NKAIN3: variants seen among roughly 807,000 people sequenced by gnomAD.
The protein encoded by NKAIN3 is sodium/potassium-transporting ATPase subunit beta-1-interacting protein 3.
A neutral mutation model predicts 30.2 loss-of-function variants in NKAIN3; 25 were observed. That is an observed-to-expected ratio of 0.83 (90% CI 0.60 to 1.16). The LOEUF (loss-of-function observed/expected upper bound fraction) is 1.16, where lower values mean the gene tolerates loss of function less well. NKAIN3 is among the 50% of genes most tolerant of loss of function. The probability of loss-of-function intolerance (pLI) is 0.00; values close to 1 mark genes in which losing one functional copy is unlikely to be tolerated. For missense variants in NKAIN3, 225 were observed against 254.1 expected (o/e 0.89, Z 0.78); for synonymous variants, 91 against 89.6 (o/e 1.02, Z -0.09).
At chr8:62,651,868 G>A (rs1812630406) in intron 3 of NKAIN3, among the ~76,000 whole-genome samples, 3 of 152,224 alleles carry the variant, frequency 2.0e-5, no homozygotes, top group South Asian at 4.2e-4. Context: ...TATGTGACAT[G>A]CCTGTTCTCA....
At chr8:62,345,357 ATATATG>A (rs1815910513) in intron 1 of NKAIN3, among the ~76,000 whole-genome samples, 2 of 11,876 alleles carry the variant, frequency 1.7e-4, no homozygotes, top group East Asian at 3.7e-3. Flanking sequence ...ACATATACAC[ATATATG>A]TATATATACA....
chr8:62,951,335 TA>T (rs1489981136), intron 5 of NKAIN3, among the ~76,000 whole-genome samples: 1 of 152,232 alleles, frequency 6.6e-6, no homozygotes, highest in East Asian at 1.9e-4. Context: ...CAGTTTATAA[TA>T]CTGGAATTAC....
chr8:62,571,162 G>A (rs1003491002), intron 1 of NKAIN3, among the ~76,000 whole-genome samples: 4 of 143,614 alleles, frequency 2.8e-5, no homozygotes, highest in African/African-American at 1.0e-4. Flanking sequence ...TTTTCAGACA[G>A]TCTCACTCTA....
intron 4 of NKAIN3, among the ~76,000 whole-genome samples, chr8:62,751,154 A>G (rs1473510417): frequency 6.6e-6 from 1 of 152,116 alleles, no homozygotes; most frequent in African/African-American, 2.4e-5. Flanking sequence ...ATCCAGCAAA[A>G]GAACCCTTCC....
At chr8:62,681,862 C>T (rs1044393047) in intron 3 of NKAIN3, among the ~76,000 whole-genome samples, 12 of 152,154 alleles carry the variant, frequency 7.9e-5, no homozygotes, top group African/African-American at 2.2e-4. Flanking sequence ...CTCAAAACTG[C>T]TCTCAGAGGC....
intron 1 of NKAIN3, chr8:62,473,238 G>C (rs866706106): frequency 6.6e-6 from 1 of 152,180 alleles, no homozygotes; most frequent in Non-Finnish European, 1.5e-5. Flanking sequence ...ATTTGTAATT[G>C]TGCACTGAAG....
chr8:62,646,141 A>G (rs1400391683), intron 3 of NKAIN3, among the ~76,000 whole-genome samples: 4 of 148,942 alleles, frequency 2.7e-5, no homozygotes, highest in Non-Finnish European at 5.9e-5. Flanking sequence ...CATTCTGGAA[A>G]AAAAAAAAAA....
chr8:62,921,931 G>A (rs1822291902), intron 5 of NKAIN3, among the ~76,000 whole-genome samples: 1 of 152,144 alleles, frequency 6.6e-6, no homozygotes, highest in Non-Finnish European at 1.5e-5. Flanking sequence ...AATACTGCCA[G>A]GCTTTTTCAG....
intron 4 of NKAIN3, among the ~76,000 whole-genome samples, chr8:62,793,692 C>A (rs943413141): frequency 2.6e-5 from 4 of 152,102 alleles, no homozygotes; most frequent in African/African-American, 9.7e-5. Context: ...AGCAGCTCTG[C>A]TTATTTCTCC....
At chr8:62,337,049 C>T (rs1001969007) in intron 1 of NKAIN3, among the ~76,000 whole-genome samples, 10 of 152,060 alleles carry the variant, frequency 6.6e-5, no homozygotes, top group Non-Finnish European at 1.3e-4. Context: ...CTCTCCCTCC[C>T]TCGGTAGTTG....
At chr8:62,835,200 C>T (rs950894538) in intron 4 of NKAIN3, among the ~76,000 whole-genome samples, 4 of 152,030 alleles carry the variant, frequency 2.6e-5, no homozygotes, top group East Asian at 1.9e-4. Flanking sequence ...ATATGTAAGA[C>T]CTTAACCTAT....
At chr8:62,962,158 G>C (rs1430378089) in intron 6 of NKAIN3, among the ~76,000 whole-genome samples, 3 of 151,996 alleles carry the variant, frequency 2.0e-5, no homozygotes, top group Admixed American at 2.0e-4. Flanking sequence ...TGTATCCACT[G>C]GTTTATGAAA....
In NKAIN3 at chr8:62,970,461, A is replaced by G. The variant is rs1445606606; in HGVS notation, c.*5054A>G. Among the ~76,000 whole-genome samples the G allele has an allele frequency of 1.3e-5, 2 of 151,990 alleles. No individual in the cohort carries two copies. Among genetic ancestry groups the G allele is most frequent in the African/African-American group, 4.8e-5 (2 of 41,398 alleles). The stretch of plus-strand genomic sequence containing the variant: ...AAAATTTGGTGGCAGGCAAAACTTG[A>G]ATCATCTTTCTTGAACTTGCATTCA... On this transcript the variant is annotated 3_prime_UTR_variant, in exon 7 of 7. Transcript: ENST00000623646.
At chr8:62,295,608 G>A (rs142694623) in intron 1 of NKAIN3, among the ~76,000 whole-genome samples, 2,105 of 152,202 alleles carry the variant, frequency 0.014, 52 homozygotes, top group Admixed American at 0.065. Flanking sequence ...CTATTTCACA[G>A]CTTTTTTGGG....
chr8:62,713,197 G>T (rs7008492), intron 3 of NKAIN3, among the ~76,000 whole-genome samples: 3 of 152,052 alleles, frequency 2.0e-5, no homozygotes, highest in African/African-American at 7.2e-5. Context: ...GTGCAGGGCT[G>T]CCACCAGGGT....
At chr8:62,470,883 C>CATTAAAAAAAA (rs1806320396) in intron 1 of NKAIN3, among the ~76,000 whole-genome samples, 1 of 149,292 alleles carries the variant, frequency 6.7e-6, no homozygotes, top group Non-Finnish European at 1.5e-5. Context: ...TCTTATTGAT[C>CATTAAAAAAAA]CATTTTAACT....
In NKAIN3 at chr8:62,473,804, T is replaced by A. The variant is rs550766226; in HGVS notation, c.55-105735T>A. Among the ~76,000 whole-genome samples the A allele has an allele frequency of 5.9e-5, 9 of 152,106 alleles. No individual in the cohort carries two copies. The South Asian group carries it at 1.9e-3, about 32-fold the overall frequency. On this transcript the variant is annotated intron_variant, in intron 1 of 6. Transcript: ENST00000623646. ...CTGAGTCCTTTCCCTACACTACTAA[T>A]GGTCACTCTTTCCCAGGGATACAGT...
intron 4 of NKAIN3, among the ~76,000 whole-genome samples, chr8:62,778,533 C>A (rs1817257055): frequency 6.6e-6 from 1 of 152,082 alleles, no homozygotes; most frequent in South Asian, 2.1e-4. Context: ...TGCCAATGTT[C>A]ACTCAAAACA....
chr8:62,775,093 G>A (rs1420144430), intron 4 of NKAIN3, among the ~76,000 whole-genome samples: 2 of 152,020 alleles, frequency 1.3e-5, no homozygotes, highest in Non-Finnish European at 2.9e-5. Flanking sequence ...TTGTTATTGG[G>A]CTGTTGTGAA....
Sources: allele counts gnomAD v4.1 joint callset (sites outside exome capture counted in the v4.1 genomes callset), GRCh38; gene constraint gnomAD v4.1.1; transcripts MANE v1.5; gene names NCBI Gene and HGNC (gene_info 2026-07-23, HGNC 2026-07-21).